The following FAM171A1 variants were observed in gnomAD, a reference collection of about 807,000 sequenced individuals.
The protein encoded by FAM171A1 is protein FAM171A1.
A neutral mutation model predicts 74.9 loss-of-function variants in FAM171A1; 23 were observed. The ratio of observed to expected loss-of-function variants is 0.31; its 90% CI spans 0.22 to 0.44. FAM171A1 has a LOEUF of 0.44. Ranked by LOEUF, FAM171A1 falls within the 20% of genes least tolerant of loss-of-function variation. The pLI is 1.00. For missense variants in FAM171A1, 1,162 were observed against 1,159.2 expected (o/e 1.00, Z -0.03); for synonymous variants, 527 against 505.7 (o/e 1.04, Z -0.57).
intron 1 of FAM171A1, among the ~76,000 whole-genome samples, chr10:15,351,974 G>T (rs978044706): frequency 6.6e-5 from 10 of 151,810 alleles, no homozygotes; most frequent in Admixed American, 1.3e-4. Context: ...GACCACCTGA[G>T]CTTAGGAGTT....
intron 3 of FAM171A1, among the ~76,000 whole-genome samples, chr10:15,266,259 A>G (rs1218886059): frequency 3.3e-5 from 5 of 152,152 alleles, no homozygotes; most frequent in Non-Finnish European, 7.4e-5. Flanking sequence ...AAGAAAGGGG[A>G]CGAGAGCTGC....
intron 1 of FAM171A1, among the ~76,000 whole-genome samples, chr10:15,295,633 T>C (rs1326931641): frequency 7.2e-5 from 11 of 152,234 alleles, no homozygotes; most frequent in African/African-American, 2.7e-4. Context: ...ATTTTTTCTT[T>C]CCTTTTGGTT....
At chr10:15,218,981 G>A (rs1014863382) in intron 6 of FAM171A1, among the ~76,000 whole-genome samples, 2 of 152,034 alleles carry the variant, frequency 1.3e-5, no homozygotes, top group Middle Eastern at 3.2e-3. Context: ...CCTTCATGCT[G>A]CCTTACAAAA....
chr10:15,337,242 T>G (rs6602841), intron 1 of FAM171A1, among the ~76,000 whole-genome samples: 66,505 of 152,166 alleles, frequency 0.44, 15,074 homozygotes, highest in East Asian at 0.8. Context: ...TTGGAACAAT[T>G]AGAGGATAAA....
intron 1 of FAM171A1, among the ~76,000 whole-genome samples, chr10:15,311,642 C>T (rs1305357550): frequency 2.6e-5 from 4 of 151,884 alleles, no homozygotes; most frequent in African/African-American, 9.7e-5. Flanking sequence ...TTTCTTCCCG[C>T]CCCACAGCCC....
chr10:15,362,556 T>C (rs1468741698), intron 1 of FAM171A1, among the ~76,000 whole-genome samples: 2 of 152,152 alleles, frequency 1.3e-5, no homozygotes, highest in Non-Finnish European at 2.9e-5. Context: ...AAACCCCATC[T>C]CTACTAAAAA....
At chr10:15,320,903 A>G (rs890731476) in intron 1 of FAM171A1, among the ~76,000 whole-genome samples, 2 of 152,254 alleles carry the variant, frequency 1.3e-5, no homozygotes, top group Admixed American at 6.5e-5. Context: ...GTTTTAAGCA[A>G]TGCAGACAAC....
At chr10:15,327,535 C>CAGCT (rs1835570673) in intron 1 of FAM171A1, among the ~76,000 whole-genome samples, 2 of 152,082 alleles carry the variant, frequency 1.3e-5, no homozygotes, top group Non-Finnish European at 2.9e-5. Flanking sequence ...CCTATAATCC[C>CAGCT]AGCTACTCAG....
At chr10:15,297,058 T>C (rs896127851) in intron 1 of FAM171A1, among the ~76,000 whole-genome samples, 4 of 151,828 alleles carry the variant, frequency 2.6e-5, no homozygotes, top group Non-Finnish European at 4.4e-5. Flanking sequence ...ATTAGAGCTT[T>C]TTTTCTTTTT....
At chr10:15,328,094 AC>A (rs1485282675) in intron 1 of FAM171A1, among the ~76,000 whole-genome samples, 5 of 120,950 alleles carry the variant, frequency 4.1e-5, no homozygotes, top group Non-Finnish European at 7.0e-5. Flanking sequence ...AACCCAAAAA[AC>A]AAACCAAAAA....
chr10:15,285,518 G>A (rs764933443), intron 1 of FAM171A1, among the ~76,000 whole-genome samples: 2 of 152,150 alleles, frequency 1.3e-5, no homozygotes, highest in Non-Finnish European at 2.9e-5. Flanking sequence ...AACTGAGATG[G>A]TGGTAGACCA....
chr10:15,257,630 T>A (rs1834597598), intron 3 of FAM171A1, among the ~76,000 whole-genome samples: 1 of 151,982 alleles, frequency 6.6e-6, no homozygotes. Flanking sequence ...TGGGGGCAGA[T>A]CCTCATGGAA....
chr10:15,283,124 G>C (rs914135332), intron 2 of FAM171A1, among the ~76,000 whole-genome samples: 12 of 152,146 alleles, frequency 7.9e-5, no homozygotes, highest in Admixed American at 6.5e-4. Flanking sequence ...CCTAAGCCTA[G>C]GGAGAGGGAG....
chr10:15,281,017 G>A (rs1288155370), intron 2 of FAM171A1, among the ~76,000 whole-genome samples: 2 of 152,190 alleles, frequency 1.3e-5, no homozygotes, highest in African/African-American at 4.8e-5. Flanking sequence ...GGATCACGGG[G>A]GCAGTTTCTC....
intron 5 of FAM171A1, among the ~76,000 whole-genome samples, chr10:15,234,511 A>C (rs1408450420): frequency 2.0e-5 from 3 of 152,164 alleles, no homozygotes; most frequent in African/African-American, 7.2e-5. Context: ...TGGTTACAGA[A>C]TGTTCTGAGG....
intron 5 of FAM171A1, among the ~76,000 whole-genome samples, chr10:15,237,186 T>G (rs903305361): frequency 6.6e-6 from 1 of 152,100 alleles, no homozygotes; most frequent in African/African-American, 2.4e-5. Context: ...AAGAATGAAG[T>G]GTAAAATAAA....
At chr10:15,331,982 C>T (rs1396224845) in intron 1 of FAM171A1, among the ~76,000 whole-genome samples, 1 of 150,942 alleles carries the variant, frequency 6.6e-6, no homozygotes, top group Non-Finnish European at 1.5e-5. Context: ...CAGAGTCTTG[C>T]TCTGTTACCC....
chr10:15,245,632 G>A (rs897783541), intron 5 of FAM171A1, among the ~76,000 whole-genome samples: 1 of 152,184 alleles, frequency 6.6e-6, no homozygotes, highest in East Asian at 1.9e-4. Flanking sequence ...AAGTAACTTG[G>A]CCAGGGCCAC....
intron 5 of FAM171A1, among the ~76,000 whole-genome samples, chr10:15,222,840 C>T (rs1322113327): frequency 6.6e-6 from 1 of 152,268 alleles, no homozygotes; most frequent in Non-Finnish European, 1.5e-5. Flanking sequence ...GGCTCGGCAT[C>T]TCCCCCTTCC....
Sources: allele counts gnomAD v4.1 joint callset (sites outside exome capture counted in the v4.1 genomes callset), GRCh38; gene constraint gnomAD v4.1.1; transcripts MANE v1.5; gene names NCBI Gene and HGNC (gene_info 2026-07-23, HGNC 2026-07-21).